CSMD1: variants seen among roughly 807,000 people sequenced by gnomAD.
CSMD1 encodes CUB and Sushi multiple domains 1, also known as CUB and sushi domain-containing protein 1.
CSMD1 carries 213 observed loss-of-function variants against 417.5 expected under a neutral mutation model. That is an observed-to-expected ratio of 0.51 (90% CI 0.46 to 0.57). The LOEUF (loss-of-function observed/expected upper bound fraction) is 0.57. CSMD1 is among the 20% of genes least tolerant of loss of function. The probability of loss-of-function intolerance (pLI) is 0.00; values close to 1 mark genes in which losing one functional copy is unlikely to be tolerated. For synonymous variants in CSMD1, 2,862 were observed against 1,736.8 expected (o/e 1.65, Z -16.11); for missense variants, 6,923 against 4,529.7 (o/e 1.53, Z -15.17).
intron 5 of CSMD1, among the ~76,000 whole-genome samples, chr8:3,933,587 T>A (rs1322484165): frequency 6.6e-6 from 1 of 151,830 alleles, no homozygotes; most frequent in Non-Finnish European, 1.5e-5. Context: ...AATATAGGAG[T>A]GTGTAGAACT....
chr8:3,311,508 C>T (rs530304303), intron 23 of CSMD1, among the ~76,000 whole-genome samples: 43 of 148,096 alleles, frequency 2.9e-4, no homozygotes, highest in Admixed American at 5.3e-4. Context: ...CCTCGGTCTC[C>T]GAAAGTGCTG....
At chr8:4,893,788 T>G (rs1804287960) in intron 1 of CSMD1, among the ~76,000 whole-genome samples, 1 of 152,162 alleles carries the variant, frequency 6.6e-6, no homozygotes, top group African/African-American at 2.4e-5. Flanking sequence ...TGTCACATTG[T>G]TCAGATTCCA....
chr8:3,663,850 G>A (rs1169140366), intron 7 of CSMD1, among the ~76,000 whole-genome samples: 1 of 152,090 alleles, frequency 6.6e-6, no homozygotes, highest in East Asian at 1.9e-4. Flanking sequence ...CGTGTTATCA[G>A]GATCTTCTGA....
chr8:3,846,849 A>G (rs1395259194), intron 5 of CSMD1, among the ~76,000 whole-genome samples: 1 of 152,076 alleles, frequency 6.6e-6, no homozygotes, highest in African/African-American at 2.4e-5. Context: ...AATTTTTTGT[A>G]TATTTAGTGC....
At chr8:4,651,236 A>T (rs189695394) in intron 1 of CSMD1, among the ~76,000 whole-genome samples, 1 of 152,374 alleles carries the variant, frequency 6.6e-6, no homozygotes, top group African/African-American at 2.4e-5. Flanking sequence ...CCTGGCAAAC[A>T]GCAAGAGGAC....
At chr8:3,296,002 A>C (rs1477297208) in intron 25 of CSMD1, among the ~76,000 whole-genome samples, 2 of 152,094 alleles carry the variant, frequency 1.3e-5, no homozygotes, top group African/African-American at 2.4e-5. Context: ...TAGGCAAACC[A>C]CAGCATCCAC....
In CSMD1 at chr8:3,206,006, G is replaced by C. The variant is rs371170516; in HGVS notation, c.4868-386C>G. Among the ~76,000 whole-genome samples the C allele has an allele frequency of 2.2e-4, 34 of 152,196 alleles. No individual in the cohort carries two copies. The East Asian group carries it at 6.0e-3, about 27-fold the overall frequency. ...CTTAAGAGATACAAAGATTATTTCA[G>C]TTTTCTATCACTTTTATATTAATAT... is the stretch of plus-strand genomic sequence containing the variant. On this transcript the variant is annotated intron_variant, in intron 30 of 69. Transcript: ENST00000635120.
chr8:3,826,732 T>C (rs892243583), intron 5 of CSMD1, among the ~76,000 whole-genome samples: 1 of 152,192 alleles, frequency 6.6e-6, no homozygotes, highest in African/African-American at 2.4e-5. Flanking sequence ...GAGTTTGTAC[T>C]GAATATCCCT....
intron 1 of CSMD1, among the ~76,000 whole-genome samples, chr8:4,915,046 G>T (rs914216676): frequency 3.3e-5 from 5 of 152,068 alleles, no homozygotes; most frequent in African/African-American, 1.2e-4. Flanking sequence ...ACGTGTGGAG[G>T]GAATAGAAAT....
At chr8:4,831,719 C>T (rs1800160004) in intron 1 of CSMD1, among the ~76,000 whole-genome samples, 1 of 152,152 alleles carries the variant, frequency 6.6e-6, no homozygotes, top group Middle Eastern at 3.2e-3. Flanking sequence ...CATTCACAAA[C>T]ACATGCCTGT....
intron 1 of CSMD1, among the ~76,000 whole-genome samples, chr8:4,910,859 C>T (rs926100479): frequency 6.6e-6 from 1 of 152,038 alleles, no homozygotes; most frequent in Non-Finnish European, 1.5e-5. Context: ...GTGTCCCCAC[C>T]CAAATCTCAT....
intron 12 of CSMD1, among the ~76,000 whole-genome samples, chr8:3,461,887 G>A (rs762054695): frequency 3.3e-5 from 5 of 152,312 alleles, no homozygotes; most frequent in Non-Finnish European, 5.9e-5. Context: ...GGTCAGCATC[G>A]CCCTGCTGCA....
chr8:3,601,814 C>G (rs1563189653), intron 8 of CSMD1, among the ~76,000 whole-genome samples: 1 of 152,194 alleles, frequency 6.6e-6, no homozygotes, highest in Non-Finnish European at 1.5e-5. Flanking sequence ...TCTTCAGAAT[C>G]TCAAATGATT....
chr8:4,250,499 C>G (rs192087326), intron 3 of CSMD1, among the ~76,000 whole-genome samples: 331 of 152,202 alleles, frequency 2.2e-3, no homozygotes, highest in African/African-American at 7.7e-3. Flanking sequence ...GGTGTAATGA[C>G]TCTTGGTGGA....
chr8:3,608,250 G>C (rs1801716778), intron 8 of CSMD1, among the ~76,000 whole-genome samples: 1 of 152,022 alleles, frequency 6.6e-6, no homozygotes, highest in Admixed American at 6.6e-5. Flanking sequence ...AGAGGAGGTA[G>C]TGTCAGGACA....
At chr8:2,972,918 G>A (rs368937884) in intron 57 of CSMD1, among the ~76,000 whole-genome samples, 199 bp downstream of exon 57, 2 of 152,156 alleles carry the variant, frequency 1.3e-5, no homozygotes, top group African/African-American at 4.8e-5. Context: ...TCCGTGTGAT[G>A]GGACCTGTGG....
intron 8 of CSMD1, among the ~76,000 whole-genome samples, chr8:3,595,000 C>T (rs1368829337): frequency 6.6e-6 from 1 of 152,166 alleles, no homozygotes; most frequent in Non-Finnish European, 1.5e-5. Context: ...AAAACACAAC[C>T]CGGCCTCTGT....
At chr8:3,665,832 G>C (rs564253520) in intron 7 of CSMD1, among the ~76,000 whole-genome samples, 1 of 152,198 alleles carries the variant, frequency 6.6e-6, no homozygotes, top group South Asian at 2.1e-4. Context: ...TCAACCCAAG[G>C]CTTAGGCTCC....
intron 4 of CSMD1, among the ~76,000 whole-genome samples, chr8:4,017,432 G>A (rs932190522): frequency 6.6e-6 from 1 of 152,086 alleles, no homozygotes; most frequent in Non-Finnish European, 1.5e-5. Flanking sequence ...CACTCTTCCT[G>A]AGTAGCTAGG....
Sources: allele counts gnomAD v4.1 joint callset (sites outside exome capture counted in the v4.1 genomes callset), GRCh38; gene constraint gnomAD v4.1.1; transcripts MANE v1.5; gene names NCBI Gene and HGNC (gene_info 2026-07-23, HGNC 2026-07-21).